PPARGC1A: variants seen among roughly 807,000 people sequenced by gnomAD.
PPARGC1A encodes the protein peroxisome proliferator-activated receptor gamma coactivator 1-alpha.
PPARGC1A carries 25 observed loss-of-function variants against 88.7 expected under a neutral mutation model. The ratio of observed to expected loss-of-function variants is 0.28; its 90% CI spans 0.21 to 0.39. The LOEUF (loss-of-function observed/expected upper bound fraction) is 0.39. Ranked by LOEUF, PPARGC1A falls within the 10% of genes least tolerant of loss-of-function variation. PPARGC1A has a pLI of 1.00. For synonymous variants in PPARGC1A, 363 were observed against 355.6 expected, an observed-to-expected ratio of 1.02 and a Z score of -0.24; for missense variants, 880 against 968.7, an observed-to-expected ratio of 0.91 and a Z score of 1.22.
the PPARGC1A span, among the ~76,000 whole-genome samples, chr4:24,428,436 TCA>T: frequency 6.6e-6 from 1 of 152,218 alleles, no homozygotes; most frequent in African/African-American, 2.4e-5. Context: ...GGAGAATGGT[TCA>T]CAGTTTCCAA....
At chr4:24,460,706 G>A in the PPARGC1A span, among the ~76,000 whole-genome samples, 2 of 151,912 alleles carry the variant, frequency 1.3e-5, no homozygotes, top group Non-Finnish European at 2.9e-5. Context: ...AACCCTCTTC[G>A]TTTGACATCA....
At position 23,884,736 on chromosome 4, in the gene PPARGC1A, C is replaced by T. The variant is rs1716573648; in HGVS notation, c.234+16G>A. On this transcript the variant is annotated intron_variant, in intron 2 of 12. Transcript: ENST00000264867. ...AAACTCAATGAAAAATTAATGTTTCCAAAGGATGTCCTTACCTCAAATATG... is the reference window on the plus strand; with the variant it reads ...AAACTCAATGAAAAATTAATGTTTCTAAAGGATGTCCTTACCTCAAATATG... The T allele has an allele frequency of 1.3e-6, 2 of 1,596,120 alleles. No individual in the cohort carries two copies. The highest frequency in any genetic ancestry group is 1.3e-5 in the African/African-American group (1 of 74,564).
chr4:24,124,684 A>G, the PPARGC1A span, among the ~76,000 whole-genome samples: 2 of 151,628 alleles, frequency 1.3e-5, no homozygotes, highest in African/African-American at 4.8e-5. Flanking sequence ...TTTTTTTAGG[A>G]AGGAGATGCA....
the PPARGC1A span, among the ~76,000 whole-genome samples, chr4:24,078,270 G>A: frequency 1.3e-5 from 2 of 152,076 alleles, no homozygotes; most frequent in Non-Finnish European, 2.9e-5. Flanking sequence ...ACATGGAGGA[G>A]AGTTGGCACT....
chr4:23,960,438 A>G, the PPARGC1A span, among the ~76,000 whole-genome samples: 52,695 of 152,050 alleles, frequency 0.35, 9,535 homozygotes, highest in Middle Eastern at 0.43. Context: ...TCTCTAGAAC[A>G]TACAAAAGTA....
intron 8 of PPARGC1A, 99 bp downstream of exon 8, chr4:23,813,591 C>T: frequency 8.9e-7 from 1 of 1,127,308 alleles, no homozygotes; most frequent in Non-Finnish European, 1.2e-6. Context: ...TGGTCAGGGG[C>T]CAGAATGGCT....
chr4:23,948,381 A>AAGTTT, the PPARGC1A span, among the ~76,000 whole-genome samples: 3 of 152,196 alleles, frequency 2.0e-5, no homozygotes, highest in Non-Finnish European at 4.4e-5. Flanking sequence ...GGCATTTACT[A>AAGTTT]AGACTCCTGT....
the PPARGC1A span, among the ~76,000 whole-genome samples, chr4:24,447,542 T>C: frequency 6.6e-6 from 1 of 152,208 alleles, no homozygotes; most frequent in Non-Finnish European, 1.5e-5. Flanking sequence ...CAGAGCCCAG[T>C]CCCACTTCAC....
At chr4:24,005,712 C>T in the PPARGC1A span, among the ~76,000 whole-genome samples, 8 of 151,954 alleles carry the variant, frequency 5.3e-5, no homozygotes, top group African/African-American at 1.7e-4. Context: ...ACAATAAAAC[C>T]GAAGGGGAGA....
upstream of PPARGC1A, among the ~76,000 whole-genome samples, chr4:23,892,841 G>T (rs974203511): frequency 6.6e-6 from 1 of 152,046 alleles, no homozygotes; most frequent in African/African-American, 2.4e-5. Context: ...ACAATTTTAG[G>T]GGGATGACAA....
chr4:24,026,019 G>T, the PPARGC1A span, among the ~76,000 whole-genome samples: 53 of 152,124 alleles, frequency 3.5e-4, 1 homozygote, highest in African/African-American at 1.3e-3. Flanking sequence ...GCTGTGCTTT[G>T]TCTGCCCTAC....
chr4:24,350,211 G>A, the PPARGC1A span, among the ~76,000 whole-genome samples: 2 of 152,164 alleles, frequency 1.3e-5, 1 homozygote, highest in Non-Finnish European at 2.9e-5. Context: ...AGGATTGCTG[G>A]TTTGTTCTTG....
the PPARGC1A span, among the ~76,000 whole-genome samples, chr4:24,449,390 T>C: frequency 0.075 from 11,383 of 152,294 alleles, 612 homozygotes; most frequent in African/African-American, 0.16. Flanking sequence ...CACTTCCTGT[T>C]GCTGATCATT....
chr4:24,120,591 T>C, the PPARGC1A span, among the ~76,000 whole-genome samples: 2 of 152,216 alleles, frequency 1.3e-5, no homozygotes, highest in Non-Finnish European at 2.9e-5. Context: ...GCAGCTATGG[T>C]CTGAATGTTT....
the PPARGC1A span, among the ~76,000 whole-genome samples, chr4:24,205,754 A>G: frequency 6.6e-6 from 1 of 152,188 alleles, no homozygotes. Context: ...CCCATATACA[A>G]AAAACTAAAG....
intron 5 of PPARGC1A, among the ~76,000 whole-genome samples, chr4:23,824,874 G>A (rs1054503204): frequency 4.8e-4 from 73 of 152,020 alleles, no homozygotes; most frequent in Admixed American, 4.7e-3. Context: ...ACTATAAGGC[G>A]ACAGAACATT....
chr4:24,039,817 G>A, the PPARGC1A span, among the ~76,000 whole-genome samples: 31 of 152,212 alleles, frequency 2.0e-4, no homozygotes, highest in East Asian at 5.4e-3. Context: ...GTAAGCACTC[G>A]ATAGAAACGT....
chr4:23,811,660 C>T (rs989785982), intron 10 of PPARGC1A, among the ~76,000 whole-genome samples: 2 of 152,070 alleles, frequency 1.3e-5, no homozygotes, highest in Admixed American at 6.6e-5. Flanking sequence ...AAAGCCTACC[C>T]ACTAGTCAGC....
In PPARGC1A at chr4:23,793,215, CAGAA is replaced by C. The variant is rs1178892943; in HGVS notation, c.*2603_*2606del. The C allele has an allele frequency of 1.3e-5, 2 of 152,584 alleles. No homozygotes were observed. Among genetic ancestry groups the C allele is most frequent in the Middle Eastern group, 3.4e-3 (1 of 294 alleles). 9.5% of individuals were successfully genotyped at this position (152,584 alleles called of 1,614,324 possible). On this transcript the variant is annotated 3_prime_UTR_variant, in exon 13 of 13. Transcript: ENST00000264867. The stretch of plus-strand genomic sequence containing the variant: ...TCTACAACAGAAGATACTCAAAATT[CAGAA>C]AGAAAGACTGTAAACTTTAGTTTGG...
Sources: allele counts gnomAD v4.1 joint callset (sites outside exome capture counted in the v4.1 genomes callset), GRCh38; gene constraint gnomAD v4.1.1; transcripts MANE v1.5; gene names NCBI Gene and HGNC (gene_info 2026-07-23, HGNC 2026-07-21).